The following NPEPPS variants were observed in gnomAD, a reference collection of about 807,000 sequenced individuals.
NPEPPS encodes the protein puromycin-sensitive aminopeptidase.
In NPEPPS, 14 loss-of-function variants were observed where a neutral mutation model predicts 115.5. The observed-to-expected ratio is 0.12, with a 90% CI of 0.08 to 0.19. The LOEUF (loss-of-function observed/expected upper bound fraction) is 0.19. Among genes scored for constraint, NPEPPS ranks in the 10% least tolerant of loss-of-function variants. The pLI, the probability that NPEPPS is intolerant of heterozygous loss-of-function variation, is 1.00. For missense variants in NPEPPS, 523 were observed against 1,110.8 expected, an observed-to-expected ratio of 0.47 and a Z score of 7.52; for synonymous variants, 285 against 390.6, an observed-to-expected ratio of 0.73 and a Z score of 3.19.
rs550289927 is a variant in NPEPPS, at chr17:47,570,933, C to G, written c.418+1439C>G. Among the ~76,000 whole-genome samples the G allele has an allele frequency of 6.3e-4, 96 of 152,264 alleles. No homozygotes were observed. In the South Asian group the frequency reaches 0.015, roughly 23 times the overall value. ...GTTCATGTCCTTTGACCCAGCAATT[C>G]TGCTAATAGGAATATATCCCAAGGA... On this transcript the variant is annotated intron_variant, in intron 3 of 22. Transcript: ENST00000322157.
In NPEPPS at chr17:47,565,358, A is replaced by C. The variant is rs565102029; in HGVS notation, c.341-4059A>C. On this transcript the variant is annotated intron_variant, in intron 2 of 22. Coordinates refer to ENST00000322157, the MANE Select transcript of NPEPPS (RefSeq NM_006310.4). ...ACTCTATCTCTACTAAAAATACAAA[A>C]ATTAGCCAGGCGTGGTGGTGCGTGC... Among the ~76,000 whole-genome samples, 7 of 151,936 alleles carry C rather than the reference A, an allele frequency of 4.6e-5. No homozygotes were observed. The South Asian group carries it at 1.5e-3, about 32-fold the overall frequency.
At chr17:47,551,870 G>A (rs1909670243) in intron 2 of NPEPPS, among the ~76,000 whole-genome samples, 1 of 127,274 alleles carries the variant, frequency 7.9e-6, no homozygotes, top group African/African-American at 2.7e-5. Context: ...ACAAACAGAG[G>A]GCATATTTTT....
chr17:47,571,098 A>G (rs1445572293), intron 3 of NPEPPS, among the ~76,000 whole-genome samples: 2 of 152,216 alleles, frequency 1.3e-5, no homozygotes, highest in Non-Finnish European at 2.9e-5. Flanking sequence ...ATATAGTGAA[A>G]TATACTTAGC....
intron 2 of NPEPPS, chr17:47,548,253 A>AATTAGATC (rs1303910100): frequency 6.6e-6 from 1 of 152,226 alleles, no homozygotes; most frequent in Non-Finnish European, 1.5e-5. Flanking sequence ...ATTGATTGTA[A>AATTAGATC]ATTAGATCAA....
At chr17:47,522,933 A>T (rs1052136913), upstream of NPEPPS, 9 of 1,281,718 alleles carry the variant, frequency 7.0e-6, no homozygotes, top group African/African-American at 1.2e-4. Flanking sequence ...TCACATTTCC[A>T]ACTGTCATTT....
At chr17:47,528,566 T>A (rs1907528641), upstream of NPEPPS, among the ~76,000 whole-genome samples, 1 of 152,138 alleles carries the variant, frequency 6.6e-6, no homozygotes, top group African/African-American at 2.4e-5. Flanking sequence ...AATTTAGATG[T>A]GCTATAAATG....
At chr17:47,591,270 C>T (rs1309518044) in intron 10 of NPEPPS, among the ~76,000 whole-genome samples, 1 of 151,946 alleles carries the variant, frequency 6.6e-6, no homozygotes, top group Non-Finnish European at 1.5e-5. Context: ...ACTCGGGAGG[C>T]TGAGGCAGGA....
intron 2 of NPEPPS, among the ~76,000 whole-genome samples, chr17:47,562,344 A>G (rs1217070575): frequency 2.0e-5 from 3 of 152,208 alleles, no homozygotes; most frequent in Admixed American, 6.5e-5. Context: ...GGTAGATAGC[A>G]TGATAATTGA....
At position 47,612,466 on chromosome 17, in the gene NPEPPS, T is replaced by C; in HGVS notation, c.2102T>C (p.Leu701Pro). The C allele has an allele frequency of 6.2e-7, 1 of 1,613,856 alleles. No individual in the cohort carries two copies. Among genetic ancestry groups the C allele is most frequent in the Non-Finnish European group, 8.5e-7 (1 of 1,179,828 alleles). ...CTTTTACTTCTCAAATCAGGTCATCTCGATGCACTCCTGAGGGGCTTGGTT... is the reference window on the plus strand; with the variant it reads ...CTTTTACTTCTCAAATCAGGTCATCCCGATGCACTCCTGAGGGGCTTGGTT... ...GWDPKPGEGH[L>P]DALLRGLVLG... The change falls in exon 18 of 23, where the codon CTC becomes CCC. Residue 701 changes from leucine to proline, a missense_variant. Leu to Pro is a moderately conservative substitution (Grantham distance 98). This residue lies in a region of NPEPPS where 372 missense variants were observed against 542.6 expected (regional missense o/e 0.69). Coordinates refer to ENST00000322157, the MANE Select transcript of NPEPPS (RefSeq NM_006310.4).
At chr17:47,611,776 A>G (rs1913891372) in intron 17 of NPEPPS, among the ~76,000 whole-genome samples, 1 of 152,082 alleles carries the variant, frequency 6.6e-6, no homozygotes, top group Non-Finnish European at 1.5e-5. Flanking sequence ...CCTGGCCATA[A>G]CTGTATGTTT....
At chr17:47,612,096 A>AGT (rs1317705448) in intron 17 of NPEPPS, among the ~76,000 whole-genome samples, 1 of 152,226 alleles carries the variant, frequency 6.6e-6, no homozygotes, top group Admixed American at 6.5e-5. Flanking sequence ...AGAGCATACT[A>AGT]GTTCCATATG....
intron 2 of NPEPPS, 118 bp downstream of exon 2, chr17:47,546,111 T>G (rs1165095247): frequency 6.8e-6 from 10 of 1,479,862 alleles, no homozygotes; most frequent in African/African-American, 1.4e-5. Context: ...AGGTTAAGAC[T>G]TCAATGTTTG....
intron 2 of NPEPPS, among the ~76,000 whole-genome samples, chr17:47,565,652 T>C (rs1373063769): frequency 6.6e-6 from 1 of 151,776 alleles, no homozygotes; most frequent in Admixed American, 6.6e-5. Flanking sequence ...AAACCCCATG[T>C]CTATAAAAAA....
chr17:47,563,331 C>G (rs1910571378), intron 2 of NPEPPS, among the ~76,000 whole-genome samples: 1 of 152,090 alleles, frequency 6.6e-6, no homozygotes, highest in South Asian at 2.1e-4. Context: ...CATGCCCAGC[C>G]TGGTCATGGT....
intron 10 of NPEPPS, among the ~76,000 whole-genome samples, chr17:47,591,406 A>T (rs1912496379): frequency 6.6e-6 from 1 of 152,188 alleles, no homozygotes; most frequent in Non-Finnish European, 1.5e-5. Context: ...GGGAGAAGTC[A>T]TACCTATTGG....
At chr17:47,604,770 G>A (rs1913417467) in intron 16 of NPEPPS, among the ~76,000 whole-genome samples, 1 of 152,222 alleles carries the variant, frequency 6.6e-6, no homozygotes, top group South Asian at 2.1e-4. Flanking sequence ...TGTTTGTGCA[G>A]CTGGCTGCTG....
rs1173668699 is a variant in NPEPPS at position 47,590,833 on chromosome 17, C to T, written c.1212C>T (p.Tyr404=). 1.2e-6 allele frequency: 2 copies of T among 1,606,564 alleles called. No individual in the cohort carries two copies. The highest frequency in any genetic ancestry group is 1.7e-5 in the Admixed American group (1 of 59,520). ...DIWTQFVSAD[Y]TRAQELDALD... ...GGACTCAGTTTGTTTCTGCTGATTA[C>T]ACCCGTGCCCAGGAGCTTGACGCCT... The change falls in exon 10 of 23, where the codon TAC becomes TAT. Residue 404 remains tyrosine, a synonymous_variant. Transcript: ENST00000322157.
At chr17:47,607,411 C>G (rs1478852608) in intron 17 of NPEPPS, among the ~76,000 whole-genome samples, 1 of 152,132 alleles carries the variant, frequency 6.6e-6, no homozygotes, top group African/African-American at 2.4e-5. Context: ...CGAGGAATAA[C>G]AAGAAAGCTG....
intron 3 of NPEPPS, among the ~76,000 whole-genome samples, chr17:47,578,504 A>G (rs1206358069): frequency 6.6e-6 from 1 of 152,002 alleles, no homozygotes; most frequent in African/African-American, 2.4e-5. Context: ...TATTTAGCAG[A>G]TGATTACTAG....
Sources: allele counts gnomAD v4.1 joint callset (sites outside exome capture counted in the v4.1 genomes callset), GRCh38; gene constraint gnomAD v4.1.1; regional missense constraint gnomAD v4.1.1; transcripts MANE v1.5; gene names NCBI Gene and HGNC (gene_info 2026-07-23, HGNC 2026-07-21).